The following RBFOX3 variants were observed in gnomAD, a reference collection of about 807,000 sequenced individuals.
RBFOX3 encodes the protein RNA binding fox-1 homolog 3, also known as RNA binding protein fox-1 homolog 3.
In RBFOX3, 17 loss-of-function variants were observed where a neutral mutation model predicts 48.7. The observed-to-expected ratio is 0.35, with a 90% CI of 0.24 to 0.52. The LOEUF (loss-of-function observed/expected upper bound fraction) is 0.52. Among genes scored for constraint, RBFOX3 ranks in the 20% least tolerant of loss-of-function variants. The probability of loss-of-function intolerance (pLI) is 0.94; values close to 1 mark genes in which losing one functional copy is unlikely to be tolerated. For missense variants in RBFOX3, 382 were observed against 497.5 expected (o/e 0.77, Z 2.21); for synonymous variants, 212 against 209.5 (o/e 1.01, Z -0.10).
At chr17:79,546,568 C>G (rs1454571360) in intron 1 of RBFOX3, among the ~76,000 whole-genome samples, 5 of 146,828 alleles carry the variant, frequency 3.4e-5, no homozygotes, top group Admixed American at 3.3e-4. Context: ...CGCTCCACGC[C>G]CATCCATCTG....
intron 2 of RBFOX3, among the ~76,000 whole-genome samples, chr17:79,368,148 T>G (rs545159995): frequency 2.2e-4 from 34 of 152,284 alleles, no homozygotes; most frequent in African/African-American, 7.5e-4. Context: ...TGTCTTTCCT[T>G]CCACGGGATC....
Position 79,115,725 on chromosome 17 carries a change from C to T in RBFOX3, c.-10G>A, listed in dbSNP as rs756802144. 6.9e-5 allele frequency: 57 copies of T among 826,408 alleles called. No homozygotes were observed. The highest frequency in any genetic ancestry group is 6.7e-4 in the Middle Eastern group (2 of 3,004). The allele number at this position is 826,408 out of a possible 1,614,324, so 51.2% of individuals were successfully genotyped here. A position where few individuals can be genotyped will look rare whatever the true frequency, so the allele number is the denominator to read the frequency against. ...GGTAGGGCTGGGCCATCGCTTCAGG[C>T]GGAGCCGTGGCGTCCTGATCGCTCT... is the stretch of plus-strand genomic sequence containing the variant. On this transcript the variant is annotated 5_prime_UTR_variant, in exon 5 of 15. Coordinates refer to ENST00000693108, the MANE Select transcript of RBFOX3 (RefSeq NM_001350451.2).
At chr17:79,528,204 C>G (rs2087079905) in intron 1 of RBFOX3, among the ~76,000 whole-genome samples, 1 of 151,972 alleles carries the variant, frequency 6.6e-6, no homozygotes, top group Non-Finnish European at 1.5e-5. Context: ...TGAGGAGGAT[C>G]TTAGTTGAAC....
chr17:79,211,048 C>T (rs571748623), intron 4 of RBFOX3, among the ~76,000 whole-genome samples: 17 of 151,412 alleles, frequency 1.1e-4, no homozygotes, highest in Middle Eastern at 6.8e-3. Context: ...CTATGGTGTG[C>T]GGCTTGGGCA....
At chr17:79,417,489 A>G (rs1488762574) in intron 2 of RBFOX3, among the ~76,000 whole-genome samples, 4 of 152,214 alleles carry the variant, frequency 2.6e-5, no homozygotes, top group African/African-American at 9.6e-5. Flanking sequence ...ATGCCCAACC[A>G]GGCAGGGAAG....
chr17:79,600,028 C>G (rs1336353894), intron 1 of RBFOX3: 2 of 152,194 alleles, frequency 1.3e-5, no homozygotes, highest in Non-Finnish European at 2.9e-5. Context: ...CTTCAAGGTA[C>G]TGAAATAACA....
intron 4 of RBFOX3, among the ~76,000 whole-genome samples, chr17:79,126,272 C>T (rs75630139): frequency 0.028 from 4,300 of 152,328 alleles, 199 homozygotes; most frequent in African/African-American, 0.096. Flanking sequence ...CAGAACAGGA[C>T]AGACGGATGT....
chr17:79,348,349 A>G (rs1418358685), intron 2 of RBFOX3, among the ~76,000 whole-genome samples: 2 of 152,158 alleles, frequency 1.3e-5, no homozygotes, highest in Admixed American at 1.3e-4. Context: ...AAGAACAGAC[A>G]TCAAACATTC....
chr17:79,282,790 G>T (rs1399209399), intron 3 of RBFOX3, among the ~76,000 whole-genome samples: 1 of 152,272 alleles, frequency 6.6e-6, no homozygotes, highest in East Asian at 1.9e-4. Flanking sequence ...TCCAAAGTGT[G>T]AGGGCAGCCG....
intron 4 of RBFOX3, among the ~76,000 whole-genome samples, chr17:79,157,621 G>C (rs746649846): frequency 1.3e-5 from 2 of 152,148 alleles, no homozygotes; most frequent in Non-Finnish European, 2.9e-5. Context: ...AGATGCCCTG[G>C]GCCCTGAGCA....
At chr17:79,410,999 C>T (rs1023385697) in intron 2 of RBFOX3, among the ~76,000 whole-genome samples, 2 of 152,218 alleles carry the variant, frequency 1.3e-5, no homozygotes, top group Non-Finnish European at 2.9e-5. Context: ...GGGCTGAGTG[C>T]AGAGACCCCG....
At chr17:79,178,017 G>A (rs1054679264) in intron 4 of RBFOX3, among the ~76,000 whole-genome samples, 3 of 152,094 alleles carry the variant, frequency 2.0e-5, no homozygotes, top group South Asian at 2.1e-4. Context: ...ATGCCCCGCC[G>A]AGTCTCAACA....
At chr17:79,537,704 C>T (rs1196172023) in intron 1 of RBFOX3, among the ~76,000 whole-genome samples, 1 of 152,198 alleles carries the variant, frequency 6.6e-6, no homozygotes, top group Non-Finnish European at 1.5e-5. Context: ...TCGTGACAGG[C>T]CTACCCTCTC....
the RBFOX3 span, among the ~76,000 whole-genome samples, chr17:79,620,616 C>T: frequency 8.3e-6 from 1 of 120,698 alleles, no homozygotes; most frequent in African/African-American, 3.3e-5. Flanking sequence ...CACATGCACA[C>T]ACGCACATGC....
At chr17:79,174,594 A>G (rs1331314414) in intron 4 of RBFOX3, among the ~76,000 whole-genome samples, 1 of 151,814 alleles carries the variant, frequency 6.6e-6, no homozygotes, top group Non-Finnish European at 1.5e-5. Flanking sequence ...ACACATGCAC[A>G]CACCACTCAC....
intron 2 of RBFOX3, among the ~76,000 whole-genome samples, chr17:79,349,637 C>G (rs1329297511): frequency 6.6e-6 from 1 of 152,142 alleles, no homozygotes; most frequent in Non-Finnish European, 1.5e-5. Flanking sequence ...GTGATCCCAC[C>G]AGGCCCGGCA....
intron 1 of RBFOX3, among the ~76,000 whole-genome samples, chr17:79,483,135 G>C (rs1337946433): frequency 6.6e-6 from 1 of 152,064 alleles, no homozygotes; most frequent in Non-Finnish European, 1.5e-5. Flanking sequence ...AACACTTAAA[G>C]TTGCTTCAGT....
At chr17:79,097,844 G>T in intron 9 of RBFOX3, 99 bp from the exon 10 acceptor site, 1 of 1,333,606 alleles carries the variant, frequency 7.5e-7, no homozygotes, top group Non-Finnish European at 1.1e-6. Flanking sequence ...GGAGCCCTTG[G>T]GAACATTCCC....
chr17:79,659,862 C>T, the RBFOX3 span, among the ~76,000 whole-genome samples: 6 of 152,092 alleles, frequency 3.9e-5, no homozygotes, highest in African/African-American at 1.4e-4. Flanking sequence ...CCACCTTTCT[C>T]CTCCCTAAAG....
Sources: gnomAD v4.1 joint callset for allele counts (sites outside exome capture counted in the v4.1 genomes callset) on GRCh38, gnomAD v4.1.1 for gene constraint, MANE v1.5 for transcripts, NCBI Gene and HGNC (gene_info 2026-07-23, HGNC 2026-07-21) for gene names.